Variants in PHACTR2 observed in about 807,000 individuals in gnomAD.
PHACTR2 encodes the protein chromosome 6 open reading frame 56.
PHACTR2 carries 30 observed loss-of-function variants against 76.0 expected under a neutral mutation model. The observed-to-expected ratio is 0.39, with a 90% CI of 0.30 to 0.54. The LOEUF (loss-of-function observed/expected upper bound fraction) is 0.54. Among genes scored for constraint, PHACTR2 ranks in the 20% least tolerant of loss-of-function variants. PHACTR2 has a pLI of 0.61. For synonymous variants in PHACTR2, 292 were observed against 292.5 expected, an observed-to-expected ratio of 1.00 and a Z score of 0.02; for missense variants, 696 against 781.1, an observed-to-expected ratio of 0.89 and a Z score of 1.30.
rs140927699 is a variant in PHACTR2, at chr6:143,538,453, G to A, written c.217+1246G>A. On this transcript the variant is annotated intron_variant, in intron 1 of 11. Transcript: ENST00000367584. ...GTCAAGTTTCCACCAGTTGTCTGAT[G>A]TGCAATCTTTGTAGGATGCATGGGA... Among the ~76,000 whole-genome samples, 174 of 152,364 alleles carry A rather than the reference G, an allele frequency of 1.1e-3. 2 individuals are homozygous for A. Among genetic ancestry groups the A allele is most frequent in the African/African-American group, 3.8e-3 (159 of 41,586 alleles).
intron 1 of PHACTR2, among the ~76,000 whole-genome samples, chr6:143,626,536 C>CA (rs35107482): frequency 0.024 from 2,951 of 122,248 alleles, 198 homozygotes; most frequent in African/African-American, 0.087. Context: ...GACTCCGTCT[C>CA]AAAAAAAAAA....
In PHACTR2 at chr6:143,830,728, CA is replaced by C. The variant is rs1776650356; in HGVS notation, c.*7041del. The C allele has an allele frequency of 6.6e-6, 1 of 152,098 alleles. No individual in the cohort carries two copies. The highest frequency in any genetic ancestry group is 3.2e-3 in the Middle Eastern group (1 of 316). 9.4% of individuals were successfully genotyped at this position (152,098 alleles called of 1,614,324 possible). On this transcript the variant is annotated 3_prime_UTR_variant, in exon 13 of 13. Transcript: ENST00000440869. ...GAGGATACTTTGCTGTGCACAATTC[CA>C]AGTGCCTTAGAACATTGTTTAGCTT...
rs891920562 is a variant in PHACTR2, at chr6:143,795,756, G to C, written c.1845+6846G>C. ...ACCTTGGCCAAGTCATTTAACCTAGGTTTACTTACTAGTAAAATAAAGTCA... is the reference window on the plus strand; with the variant it reads ...ACCTTGGCCAAGTCATTTAACCTAGCTTTACTTACTAGTAAAATAAAGTCA... On this transcript the variant is annotated intron_variant, in intron 11 of 12. Coordinates refer to ENST00000440869, the MANE Select transcript of PHACTR2 (RefSeq NM_001100164.2). This position sits in a 1 kb window ranked among gnomAD's most constrained non-coding sequence, Gnocchi z 4.8. Among the ~76,000 whole-genome samples the C allele has an allele frequency of 6.6e-6, 1 of 152,158 alleles. No individual in the cohort carries two copies. Among genetic ancestry groups the C allele is most frequent in the Non-Finnish European group, 1.5e-5 (1 of 68,028 alleles).
At chr6:143,538,361 A>C (rs1243254279) in intron 1 of PHACTR2, among the ~76,000 whole-genome samples, 1 of 152,256 alleles carries the variant, frequency 6.6e-6, no homozygotes, top group Admixed American at 6.5e-5. Context: ...TAATCATTTT[A>C]AACTGCTTTT....
Position 143,608,436 on chromosome 6 carries a change from G to T in PHACTR2, c.13+114G>T. The T allele has an allele frequency of 9.8e-7, 1 of 1,017,584 alleles. No individual in the cohort carries two copies. 63.0% of individuals were successfully genotyped at this position (1,017,584 alleles called of 1,614,324 possible). A position where few individuals can be genotyped will look rare whatever the true frequency, so the allele number is the denominator to read the frequency against. On this transcript the variant is annotated intron_variant, in intron 1 of 11. Coordinates refer to the PHACTR2 transcript ENST00000305766. The surrounding 1 kb of genome is among the most constrained non-coding windows in gnomAD (Gnocchi z 4.6). ...TCTCGTTTTGCACTTAAATGTTCAA[G>T]ACTGAGACGCGTGTAATATGTGAAC...
intron 1 of PHACTR2, among the ~76,000 whole-genome samples, chr6:143,661,938 A>G (rs1277460163): frequency 1.3e-5 from 2 of 152,108 alleles, no homozygotes; most frequent in Non-Finnish European, 2.9e-5. Flanking sequence ...TCAGCAAAAG[A>G]CCCTCATTGC....
At chr6:143,779,995 G>A (rs1359591664) in intron 9 of PHACTR2, among the ~76,000 whole-genome samples, 1 of 149,734 alleles carries the variant, frequency 6.7e-6, no homozygotes, top group Non-Finnish European at 1.5e-5. Context: ...TGATAAAATA[G>A]AAAGCAACTT....
chr6:143,689,008 T>C lies in PHACTR2; in HGVS notation c.46+10799T>C, dbSNP rs1777581538. ...GACCTCATCTTCCATCACTTTGCTC[T>C]GGTCCCCTCACTGCCTTTTTCAGTC... On this transcript the variant is annotated intron_variant, in intron 1 of 12. Coordinates refer to ENST00000440869, the MANE Select transcript of PHACTR2 (RefSeq NM_001100164.2). The surrounding 1 kb of genome is among the most constrained non-coding windows in gnomAD (Gnocchi z 4.4). Among the ~76,000 whole-genome samples the C allele has an allele frequency of 6.6e-6, 1 of 152,220 alleles. No individual in the cohort carries two copies. Among genetic ancestry groups the C allele is most frequent in the Non-Finnish European group, 1.5e-5 (1 of 68,026 alleles).
intron 1 of PHACTR2, among the ~76,000 whole-genome samples, chr6:143,650,991 A>G (rs1055839582): frequency 6.9e-6 from 1 of 145,086 alleles, no homozygotes; most frequent in African/African-American, 2.5e-5. Flanking sequence ...CAAATTTACC[A>G]AAAAAAACAA....
Position 143,627,629 on chromosome 6 carries a change from T to TC in PHACTR2, c.13+19308dup, listed in dbSNP as rs1776282755. ...TCCTTTTTTTTTTTTTGAGAAGAAG[T>TC]CTCGCTCTGTCACCCAGGCTGGAAT... On this transcript the variant is annotated intron_variant, in intron 1 of 11. Coordinates refer to the PHACTR2 transcript ENST00000305766. This position sits in a 1 kb window ranked among gnomAD's most constrained non-coding sequence, Gnocchi z 4.3. Among the ~76,000 whole-genome samples the TC allele has an allele frequency of 6.9e-6, 1 of 145,780 alleles. No individual in the cohort carries two copies. Among genetic ancestry groups the TC allele is most frequent in the Admixed American group, 7.0e-5 (1 of 14,346 alleles).
chr6:143,691,287 TAA>T (rs72558507), intron 1 of PHACTR2, among the ~76,000 whole-genome samples: 77 of 149,014 alleles, frequency 5.2e-4, no homozygotes, highest in East Asian at 4.5e-3. Context: ...GTATTTAAAT[TAA>T]AAAAAAAAAA....
upstream of PHACTR2, among the ~76,000 whole-genome samples, chr6:143,676,302 A>G (rs1423816519): frequency 6.6e-6 from 1 of 152,228 alleles, no homozygotes; most frequent in Non-Finnish European, 1.5e-5. The surrounding 1 kb of genome is among the most constrained non-coding windows in gnomAD (Gnocchi z 4.8). Context: ...CACCTCCTTG[A>G]TCTTTGAAAT....
At chr6:143,732,662 AT>A (rs1276089367) in intron 2 of PHACTR2, among the ~76,000 whole-genome samples, 2 of 152,164 alleles carry the variant, frequency 1.3e-5, no homozygotes, top group Non-Finnish European at 2.9e-5. Flanking sequence ...TAGAAATGGA[AT>A]TGCTTAGTCA....
rs1430818109 is a variant in PHACTR2 at position 143,761,574 on chromosome 6, T to A, written c.694+934T>A. Among the ~76,000 whole-genome samples the A allele has an allele frequency of 6.6e-6, 1 of 152,052 alleles. No individual in the cohort carries two copies. The highest frequency in any genetic ancestry group is 6.6e-5 in the Admixed American group (1 of 15,254). On this transcript the variant is annotated intron_variant, in intron 5 of 12. Transcript: ENST00000440869. This position sits in a 1 kb window ranked among gnomAD's most constrained non-coding sequence, Gnocchi z 5.2. The stretch of plus-strand genomic sequence containing the variant: ...TTCGAGACCAACCTGGTCAACATGG[T>A]GAAACCCTGTCTCTGCTAAAAATAC...
chr6:143,590,341 C>A (rs967635407), intron 1 of PHACTR2, among the ~76,000 whole-genome samples: 2 of 152,014 alleles, frequency 1.3e-5, no homozygotes, highest in African/African-American at 4.8e-5. Context: ...TCATGCAAGG[C>A]CTAATGAGCT....
upstream of PHACTR2, among the ~76,000 whole-genome samples, chr6:143,604,385 A>G (rs944481239): frequency 1.3e-5 from 2 of 152,096 alleles, no homozygotes; most frequent in Non-Finnish European, 2.9e-5. Context: ...AAGTAAAACT[A>G]TGTTCTTTTT....
In PHACTR2 at chr6:143,553,049, A is replaced by G. The variant is rs1004856817; in HGVS notation, c.217+15842A>G. On this transcript the variant is annotated intron_variant, in intron 1 of 11. Transcript: ENST00000367584. The surrounding 1 kb of genome is among the most constrained non-coding windows in gnomAD (Gnocchi z 4.2). ...TGAAATGAGCAATGATGTTTCATCC[A>G]GATGCTTAAACATGCTTATCCCAGC... Among the ~76,000 whole-genome samples the G allele has an allele frequency of 6.6e-6, 1 of 152,204 alleles. No individual in the cohort carries two copies. Among genetic ancestry groups the G allele is most frequent in the Non-Finnish European group, 1.5e-5 (1 of 68,034 alleles).
chr6:143,779,917 A>ATATT (rs989158184), intron 9 of PHACTR2, among the ~76,000 whole-genome samples: 1 of 139,648 alleles, frequency 7.2e-6, no homozygotes, highest in Non-Finnish European at 1.6e-5. Flanking sequence ...ATATTATATT[A>ATATT]TATTATATTA....
In PHACTR2 at chr6:143,616,701, G is replaced by T. The variant is rs548551551; in HGVS notation, c.13+8379G>T. 6.6e-6 allele frequency among the ~76,000 whole-genome samples: 1 copy of T among 152,280 alleles called. No individual in the cohort carries two copies. Among genetic ancestry groups the T allele is most frequent in the South Asian group, 2.1e-4 (1 of 4,826 alleles). On this transcript the variant is annotated intron_variant, in intron 1 of 11. Coordinates refer to the PHACTR2 transcript ENST00000305766. The surrounding 1 kb of genome is among the most constrained non-coding windows in gnomAD (Gnocchi z 4.9). Reference sequence around the variant, plus strand: ...AGTAATGAATAGACAAAATGCTTGGGGTTGTGATCAGTGCTGCTAAGTTAA... The same window carrying T: ...AGTAATGAATAGACAAAATGCTTGGTGTTGTGATCAGTGCTGCTAAGTTAA...
Sources: gnomAD v4.1 joint callset for allele counts (sites outside exome capture counted in the v4.1 genomes callset) on GRCh38, gnomAD v4.1.1 for gene constraint, Gnocchi (gnomAD v3.1) non-coding constraint, MANE v1.5 for transcripts, NCBI Gene and HGNC (gene_info 2026-07-23, HGNC 2026-07-21) for gene names.